Variants in ABLIM2 observed in about 807,000 individuals in gnomAD.
ABLIM2 encodes actin-binding LIM protein 2.
A neutral mutation model predicts 97.7 loss-of-function variants in ABLIM2; 53 were observed. That is an observed-to-expected ratio of 0.54 (90% CI 0.44 to 0.68). ABLIM2 has a LOEUF of 0.68. Among genes scored for constraint, ABLIM2 ranks in the 30% least tolerant of loss-of-function variants. The pLI, the probability that ABLIM2 is intolerant of heterozygous loss-of-function variation, is 0.00. For synonymous variants in ABLIM2, 361 were observed against 345.8 expected (o/e 1.04, Z -0.49); for missense variants, 835 against 867.2 (o/e 0.96, Z 0.47).
Position 7,983,528 on chromosome 4 carries a change from T to G in ABLIM2, c.1743+19A>C. 6.2e-7 allele frequency: 1 copy of G among 1,612,978 alleles called. No individual in the cohort carries two copies. The highest frequency in any genetic ancestry group is 8.5e-7 in the Non-Finnish European group (1 of 1,179,652). The stretch of plus-strand genomic sequence containing the variant: ...GTGTGGCGCGGCACGGAGGTCAGTG[T>G]GGGAGCGGCCCCGCTTACCTTGTAT... On this transcript the variant is annotated intron_variant, in intron 19 of 20. Transcript: ENST00000447017.
At chr4:8,025,361 G>A (rs1243926568) in intron 12 of ABLIM2, among the ~76,000 whole-genome samples, 2 of 152,068 alleles carry the variant, frequency 1.3e-5, no homozygotes, top group African/African-American at 4.8e-5. Flanking sequence ...CCTGGCCCCG[G>A]GAGATGCCCT....
chr4:8,111,665 G>A (rs1330969775), intron 1 of ABLIM2, among the ~76,000 whole-genome samples: 1 of 152,144 alleles, frequency 6.6e-6, no homozygotes, highest in African/African-American at 2.4e-5. Context: ...TATGGCTCAC[G>A]CCTGTAATCC....
Position 8,140,926 on chromosome 4 carries a change from C to A in ABLIM2, c.10+17754G>T, listed in dbSNP as rs1303327504. Among the ~76,000 whole-genome samples, 2 of 152,188 alleles carry A rather than the reference C, an allele frequency of 1.3e-5. No homozygotes were observed. Among genetic ancestry groups the A allele is most frequent in the East Asian group, 3.9e-4 (2 of 5,170 alleles). ...GTGTGAACGGTGTTTTTCTAGAACT[C>A]CTTACTCATTAAAATCCACGGTAAA... On this transcript the variant is annotated intron_variant, in intron 1 of 20. Coordinates refer to ENST00000447017, the MANE Select transcript of ABLIM2 (RefSeq NM_001130083.2). This position sits in a 1 kb window ranked among gnomAD's most constrained non-coding sequence, Gnocchi z 5.9.
rs549607173 is a variant in ABLIM2 at position 8,083,590 on chromosome 4, G to T, written c.455-2788C>A. Among the ~76,000 whole-genome samples the T allele has an allele frequency of 6.6e-6, 1 of 152,224 alleles. No individual in the cohort carries two copies. The highest frequency in any genetic ancestry group is 1.5e-5 in the Non-Finnish European group (1 of 68,038). ...TCCTATCAGCAGTACACGTGGAGAT[G>T]AGAGCAAGGTGCAAAAGGAGCGTTG... On this transcript the variant is annotated intron_variant, in intron 4 of 20. Transcript: ENST00000447017. This position sits in a 1 kb window ranked among gnomAD's most constrained non-coding sequence, Gnocchi z 4.6.
At chr4:8,042,925 T>A in intron 9 of ABLIM2, among the ~76,000 whole-genome samples, 1 of 147,758 alleles carries the variant, frequency 6.8e-6, no homozygotes, top group African/African-American at 2.5e-5. Context: ...CTGAGGCAGG[T>A]GGATTGCTTG....
At chr4:8,034,458 G>T (rs1276520523) in intron 10 of ABLIM2, among the ~76,000 whole-genome samples, 1 of 142,738 alleles carries the variant, frequency 7.0e-6, no homozygotes, top group Non-Finnish European at 1.5e-5. Flanking sequence ...GTGTGTGGTA[G>T]GTAGGTGCTG....
At chr4:8,016,651 C>T (rs1262630158) in intron 14 of ABLIM2, among the ~76,000 whole-genome samples, 1 of 152,164 alleles carries the variant, frequency 6.6e-6, no homozygotes, top group South Asian at 2.1e-4. Context: ...AAGCATGAGG[C>T]AGGACAGCTC....
At chr4:8,059,969 G>A (rs533255090) in intron 7 of ABLIM2, among the ~76,000 whole-genome samples, 1 of 150,972 alleles carries the variant, frequency 6.6e-6, no homozygotes, top group East Asian at 1.9e-4. Flanking sequence ...ATCTGCCCCT[G>A]CGTGTCCTGT....
intron 3 of ABLIM2, among the ~76,000 whole-genome samples, chr4:8,092,143 G>A (rs1415525777): frequency 6.6e-6 from 1 of 150,990 alleles, no homozygotes; most frequent in Non-Finnish European, 1.5e-5. Flanking sequence ...GATTACAGGT[G>A]CCTGCCACTA....
intron 4 of ABLIM2, 30 bp from the exon 5 acceptor site, chr4:8,080,832 C>T (rs1395932975): frequency 3.2e-6 from 5 of 1,581,648 alleles, no homozygotes; most frequent in South Asian, 2.3e-5. Context: ...ACACAGACAC[C>T]CCCACCATTG....
chr4:8,066,354 G>C (rs1807430507), intron 6 of ABLIM2, among the ~76,000 whole-genome samples: 1 of 80,934 alleles, frequency 1.2e-5, no homozygotes, highest in Non-Finnish European at 2.5e-5. Flanking sequence ...GAGAGGGAGG[G>C]AGGGAGGGAA....
chr4:8,013,605 C>T (rs998007889), intron 14 of ABLIM2, among the ~76,000 whole-genome samples: 12 of 152,294 alleles, frequency 7.9e-5, no homozygotes, highest in Admixed American at 2.6e-4. Flanking sequence ...GACCGAGGTC[C>T]GGAGTCTAAG....
chr4:8,023,893 C>T lies in ABLIM2; in HGVS notation c.1268-3590G>A, dbSNP rs1775625809. Reference sequence around the variant, plus strand: ...GCCCAGTGTGTGCCTGGTGCTGGCTCAGCTGGCTCCTGTGGAGCCTCCTCC... The same window carrying T: ...GCCCAGTGTGTGCCTGGTGCTGGCTTAGCTGGCTCCTGTGGAGCCTCCTCC... On this transcript the variant is annotated intron_variant, in intron 12 of 20. Coordinates refer to ENST00000447017, the MANE Select transcript of ABLIM2 (RefSeq NM_001130083.2). The surrounding 1 kb of genome is among the most constrained non-coding windows in gnomAD (Gnocchi z 5.7). Among the ~76,000 whole-genome samples the T allele has an allele frequency of 6.6e-6, 1 of 152,160 alleles. No homozygotes were observed. The highest frequency in any genetic ancestry group is 6.5e-5 in the Admixed American group (1 of 15,278).
At chr4:8,114,343 T>C (rs980362061) in intron 1 of ABLIM2, among the ~76,000 whole-genome samples, 2 of 152,198 alleles carry the variant, frequency 1.3e-5, no homozygotes, top group Non-Finnish European at 2.9e-5. Flanking sequence ...TTTATGAATA[T>C]GGAATTAAAG....
At position 8,085,645 on chromosome 4, in the gene ABLIM2, T is replaced by TGG. The variant is rs1359709350; in HGVS notation, c.454+2522_454+2523dup. Among the ~76,000 whole-genome samples, 1 of 149,622 alleles carries TGG rather than the reference T, an allele frequency of 6.7e-6. No homozygotes were observed. The highest frequency in any genetic ancestry group is 2.0e-4 in the East Asian group (1 of 5,006). On this transcript the variant is annotated intron_variant, in intron 4 of 20. Transcript: ENST00000447017. The surrounding 1 kb of genome is among the most constrained non-coding windows in gnomAD (Gnocchi z 6.1). ...GCAGCCCTGTCCACTCACGCAGGTCTGGGGGTGCCCACGCTGCAGCCCCGT... is the reference window on the plus strand; with the variant it reads ...GCAGCCCTGTCCACTCACGCAGGTCTGGGGGGGTGCCCACGCTGCAGCCCCGT...
At chr4:8,040,545 A>G (rs1301483819) in intron 9 of ABLIM2, among the ~76,000 whole-genome samples, 1 of 151,964 alleles carries the variant, frequency 6.6e-6, no homozygotes, top group African/African-American at 2.4e-5. Context: ...CGGGAGGCAG[A>G]AGTTGCAGTG....
rs1416629568 is a variant in ABLIM2, at chr4:8,054,662, C to A, written c.764-416G>T. 6.6e-6 allele frequency among the ~76,000 whole-genome samples: 1 copy of A among 152,210 alleles called. No individual in the cohort carries two copies. Among genetic ancestry groups the A allele is most frequent in the East Asian group, 1.9e-4 (1 of 5,206 alleles). ...ATGTTGAGGGCAATGGCTGGGCCCA[C>A]CTGCAGAGACAGCTGGTGCTGCAAC... On this transcript the variant is annotated intron_variant, in intron 7 of 20. Coordinates refer to ENST00000447017, the MANE Select transcript of ABLIM2 (RefSeq NM_001130083.2). This position sits in a 1 kb window ranked among gnomAD's most constrained non-coding sequence, Gnocchi z 4.9.
chr4:8,091,019 A>G (rs1352406354), intron 3 of ABLIM2, among the ~76,000 whole-genome samples: 1 of 151,644 alleles, frequency 6.6e-6, no homozygotes, highest in Non-Finnish European at 1.5e-5. Context: ...TCATATGCTA[A>G]GTGTGTGTTT....
chr4:8,086,643 C>A (rs566846434), intron 4 of ABLIM2, among the ~76,000 whole-genome samples: 1 of 152,276 alleles, frequency 6.6e-6, no homozygotes, highest in Admixed American at 6.5e-5. Context: ...CCACACCCAG[C>A]CCATGTTTCC....
Sources: gnomAD v4.1 joint callset for allele counts (sites outside exome capture counted in the v4.1 genomes callset) on GRCh38, gnomAD v4.1.1 for gene constraint, Gnocchi (gnomAD v3.1) non-coding constraint, MANE v1.5 for transcripts, NCBI Gene and HGNC (gene_info 2026-07-23, HGNC 2026-07-21) for gene names.